The following ASXL3 variants were observed in gnomAD, a reference collection of about 807,000 sequenced individuals.
The protein encoded by ASXL3 is putative Polycomb group protein ASXL3.
A neutral mutation model predicts 170.6 loss-of-function variants in ASXL3; 34 were observed. That is an observed-to-expected ratio of 0.20 (90% confidence interval 0.15 to 0.27). ASXL3 has a LOEUF of 0.27. ASXL3 is among the 10% of genes least tolerant of loss of function. The pLI is 1.00. For missense variants in ASXL3, 2,592 were observed against 2,695.3 expected, an observed-to-expected ratio of 0.96 and a Z score of 0.85; for synonymous variants, 1,002 against 989.1, an observed-to-expected ratio of 1.01 and a Z score of -0.24.
Position 33,583,978 on chromosome 18 carries a change from AGT to A in ASXL3, c.54+5295_54+5296del, listed in dbSNP as rs1230833598. Among the ~76,000 whole-genome samples, 3 of 152,162 alleles carry A rather than the reference AGT, an allele frequency of 2.0e-5. No homozygotes were observed. In the East Asian group the frequency reaches 5.8e-4, roughly 29 times the overall value. The stretch of plus-strand genomic sequence containing the variant: ...AAAGTTTGGTAGAGGAACAAGAAAA[AGT>A]GGAGGATGACTGAGCTGACACCATC... On this transcript the variant is annotated intron_variant, in intron 1 of 11. Coordinates refer to ENST00000269197, the MANE Select transcript of ASXL3 (RefSeq NM_030632.3).
intron 8 of ASXL3, among the ~76,000 whole-genome samples, chr18:33,721,551 A>G (rs534608014): frequency 6.6e-6 from 1 of 152,204 alleles, no homozygotes; most frequent in South Asian, 2.1e-4. Flanking sequence ...AAGACAGCTC[A>G]GAAGAAGAGA....
At chr18:33,687,887 A>G (rs115509355) in intron 8 of ASXL3, among the ~76,000 whole-genome samples, 234 of 152,292 alleles carry the variant, frequency 1.5e-3, no homozygotes, top group African/African-American at 5.5e-3. Flanking sequence ...AGAAGACAGA[A>G]GTTTGGGTGG....
Position 33,744,544 on chromosome 18 carries a change from C to T in ASXL3, c.4696C>T (p.Pro1566Ser). ...AAGTCTCCGAGAATTACCCCTTGTT[C>T]CAGATAAATTAAATGAGCCGACTGC... is the stretch of plus-strand genomic sequence containing the variant. The part of the protein sequence containing the change: ...CTSLRELPLV[P>S]DKLNEPTAPS... Residue 1566 changes from proline to serine, a missense_variant, in exon 12 of 12, where the codon CCA becomes TCA. Physicochemically the swap from Pro to Ser is moderately conservative, Grantham distance 74. Around this residue, in one of 4 missense-constraint regions of ASXL3, gnomAD observed 2,246 missense variants for 2,219.6 expected, o/e 1.01. Transcript: ENST00000269197. 6.2e-7 allele frequency: 1 copy of T among 1,611,884 alleles called. No individual in the cohort carries two copies. The highest frequency in any genetic ancestry group is 8.5e-7 in the Non-Finnish European group (1 of 1,179,476).
intron 4 of ASXL3, among the ~76,000 whole-genome samples, chr18:33,653,839 G>A (rs992862932): frequency 6.6e-6 from 1 of 151,220 alleles, no homozygotes; most frequent in African/African-American, 2.4e-5. Context: ...AATCTTTTGT[G>A]CTTTTAATTA....
At position 33,582,706 on chromosome 18, in the gene ASXL3, C is replaced by CTGTGTGTGTG. The variant is rs34434614; in HGVS notation, c.54+4047_54+4056dup. On this transcript the variant is annotated intron_variant, in intron 1 of 11. Coordinates refer to ENST00000269197, the MANE Select transcript of ASXL3 (RefSeq NM_030632.3). ...CATCAGTTTGTTGGTTGGTTTTTTT[C>CTGTGTGTGTG]TGTGTGTGTGTGTGTGTGTGTGTGT... Among the ~76,000 whole-genome samples, 3 of 136,030 alleles carry CTGTGTGTGTG rather than the reference C, an allele frequency of 2.2e-5. No individual in the cohort carries two copies. In the East Asian group the frequency reaches 6.5e-4, roughly 30 times the overall value. 89.2% of individuals were successfully genotyped at this position (136,030 alleles called of 152,430 possible).
intron 8 of ASXL3, among the ~76,000 whole-genome samples, chr18:33,701,880 G>A (rs956232519): frequency 2.6e-5 from 4 of 151,924 alleles, no homozygotes; most frequent in Non-Finnish European, 4.4e-5. Context: ...TATGATGTCT[G>A]TTCCTTATTT....
chr18:33,662,131 A>T (rs1004229745), intron 5 of ASXL3, among the ~76,000 whole-genome samples: 39 of 152,184 alleles, frequency 2.6e-4, no homozygotes, highest in African/African-American at 9.4e-4. Context: ...CTTGTTACTG[A>T]GATACATTAA....
intron 1 of ASXL3, among the ~76,000 whole-genome samples, chr18:33,603,770 T>A (rs1298756917): frequency 6.6e-6 from 1 of 152,112 alleles, no homozygotes; most frequent in Non-Finnish European, 1.5e-5. Flanking sequence ...CTTCAGTCCA[T>A]GAGAGATGCA....
rs1236830503 is a variant in ASXL3, at chr18:33,611,833, T to G, written c.137+4157T>G. ...TTCTGATTTTCTGTTTTTGATTTGC[T>G]CATTCAGAGGTTATCATTCCTTTAC... On this transcript the variant is annotated intron_variant, in intron 2 of 11. Transcript: ENST00000269197. Among the ~76,000 whole-genome samples the G allele has an allele frequency of 2.6e-5, 4 of 152,034 alleles. No individual in the cohort carries two copies. The East Asian group carries it at 7.7e-4, about 29-fold the overall frequency.
intron 8 of ASXL3, among the ~76,000 whole-genome samples, chr18:33,704,340 CAGGG>C (rs1308834323): frequency 1.3e-5 from 2 of 152,076 alleles, no homozygotes; most frequent in African/African-American, 4.8e-5. Flanking sequence ...GTCATTAACA[CAGGG>C]AGGTTGACAG....
At chr18:33,676,283 C>T (rs936632849) in intron 7 of ASXL3, among the ~76,000 whole-genome samples, 3 of 144,392 alleles carry the variant, frequency 2.1e-5, no homozygotes, top group African/African-American at 2.6e-5. Flanking sequence ...GTAACCTCGA[C>T]GTTCTCCTGA....
In ASXL3 at chr18:33,608,121, G is replaced by A. The variant is rs564299919; in HGVS notation, c.137+445G>A. ...CTTATATTTAAGAACTCTACTTGGT[G>A]CATCCCGTAATAGCTGTTGAGCCTA... is the stretch of plus-strand genomic sequence containing the variant. On this transcript the variant is annotated intron_variant, in intron 2 of 11. Coordinates refer to ENST00000269197, the MANE Select transcript of ASXL3 (RefSeq NM_030632.3). Among the ~76,000 whole-genome samples, 4 of 152,074 alleles carry A rather than the reference G, an allele frequency of 2.6e-5. No individual in the cohort carries two copies. The East Asian group carries it at 7.8e-4, about 30-fold the overall frequency.
intron 7 of ASXL3, among the ~76,000 whole-genome samples, 189 bp downstream of exon 7, chr18:33,672,055 A>G (rs963744672): frequency 6.6e-6 from 1 of 152,214 alleles, no homozygotes; most frequent in East Asian, 1.9e-4. Flanking sequence ...TCTTAAGCCT[A>G]TTACTAAATT....
chr18:33,695,546 C>T (rs1017511851), intron 8 of ASXL3, among the ~76,000 whole-genome samples: 1 of 152,100 alleles, frequency 6.6e-6, no homozygotes, highest in Non-Finnish European at 1.5e-5. Context: ...TGATATTTAA[C>T]GTCAAATCCT....
intron 2 of ASXL3, 117 bp downstream of exon 2, chr18:33,607,793 A>G (rs1253737467): frequency 6.4e-6 from 5 of 778,114 alleles, no homozygotes; most frequent in Non-Finnish European, 1.0e-5. Context: ...TTAACTCCCC[A>G]CAAATTCTTT....
At chr18:33,620,418 A>C (rs2065492527) in intron 2 of ASXL3, among the ~76,000 whole-genome samples, 1 of 152,084 alleles carries the variant, frequency 6.6e-6, no homozygotes, top group South Asian at 2.1e-4. Context: ...AGCAAGGCTC[A>C]CTTTGGAAGC....
rs1014225254 is a variant in ASXL3 at position 33,661,474 on chromosome 18, T to C, written c.356-142T>C. 9 of 709,664 alleles carry C rather than the reference T, an allele frequency of 1.3e-5. No individual in the cohort carries two copies. In the Admixed American group the frequency reaches 2.2e-4, roughly 18 times the overall value. The allele number at this position is 709,664 out of a possible 1,614,324, so 44.0% of individuals were successfully genotyped here. On this transcript the variant is annotated intron_variant, in intron 4 of 11. Coordinates refer to ENST00000269197, the MANE Select transcript of ASXL3 (RefSeq NM_030632.3). Reference sequence around the variant, plus strand: ...TTAAATGATTCCTTTTCTTCATATGTAGATACTATTCTTTTTACTGTGCTA... The same window carrying C: ...TTAAATGATTCCTTTTCTTCATATGCAGATACTATTCTTTTTACTGTGCTA...
intron 8 of ASXL3, among the ~76,000 whole-genome samples, chr18:33,697,447 G>C (rs969549995): frequency 6.6e-6 from 1 of 152,102 alleles, no homozygotes; most frequent in Non-Finnish European, 1.5e-5. Flanking sequence ...GAGCTTCTGA[G>C]CTGGCACATG....
chr18:33,601,547 T>G (rs543112336), intron 1 of ASXL3, among the ~76,000 whole-genome samples: 4 of 151,830 alleles, frequency 2.6e-5, no homozygotes, highest in Admixed American at 1.3e-4. Context: ...ATAGAATGAC[T>G]GAAAACATTC....
Sources: allele counts gnomAD v4.1 joint callset (sites outside exome capture counted in the v4.1 genomes callset), GRCh38; gene constraint gnomAD v4.1.1; regional missense constraint gnomAD v4.1.1; transcripts MANE v1.5; gene names NCBI Gene and HGNC (gene_info 2026-07-23, HGNC 2026-07-21).